FGD6: variants seen among roughly 807,000 people sequenced by gnomAD.
FGD6 encodes FYVE, RhoGEF and PH domain-containing protein 6.
A neutral mutation model predicts 149.4 loss-of-function variants in FGD6; 90 were observed. The ratio of observed to expected loss-of-function variants is 0.60; its 90% CI spans 0.51 to 0.72. The LOEUF (loss-of-function observed/expected upper bound fraction) is 0.72. Among genes scored for constraint, FGD6 ranks in the 30% least tolerant of loss-of-function variants. The probability of loss-of-function intolerance (pLI) is 0.00; values close to 1 mark genes in which losing one functional copy is unlikely to be tolerated. For synonymous variants in FGD6, 527 were observed against 584.0 expected, an observed-to-expected ratio of 0.90 and a Z score of 1.41; for missense variants, 1,437 against 1,684.8, an observed-to-expected ratio of 0.85 and a Z score of 2.57.
rs746333018 is a variant in FGD6 at position 95,105,134 on chromosome 12, A to G, written c.3418-48T>C. The G allele has an allele frequency of 6.3e-5, 96 of 1,532,486 alleles. 1 individual carries two copies. The African/African-American group carries it at 7.0e-4, about 11-fold the overall frequency. 94.9% of individuals were successfully genotyped at this position (1,532,486 alleles called of 1,614,324 possible). ...GAGCCGACTCATCCTACTGAAAACCATATCAATGAGCTGAAGTTGTCCAAT... is the reference window on the plus strand; with the variant it reads ...GAGCCGACTCATCCTACTGAAAACCGTATCAATGAGCTGAAGTTGTCCAAT... On this transcript the variant is annotated intron_variant, in intron 13 of 20. Coordinates refer to ENST00000343958, the MANE Select transcript of FGD6 (RefSeq NM_018351.4).
At position 95,209,391 on chromosome 12, in the gene FGD6, G is replaced by A. The variant is rs1481654693; in HGVS notation, c.1893C>T (p.Leu631=). The part of the protein sequence containing the change: ...STKKNSFKKL[L]SMKLSICFMK... ...TGAAACAGATGGACAGTTTCATGCT[G>A]AGCAACTTTTTAAAAGAGTTTTTCT... Residue 631 remains leucine, a synonymous_variant, in exon 2 of 21, where the codon CTC becomes CTT. Coordinates refer to ENST00000343958, the MANE Select transcript of FGD6 (RefSeq NM_018351.4). 1 of 1,613,162 alleles carries A rather than the reference G, an allele frequency of 6.2e-7. No individual in the cohort carries two copies. The highest frequency in any genetic ancestry group is 1.1e-5 in the South Asian group (1 of 90,960).
chr12:95,081,405 T>A lies in FGD6; in HGVS notation c.*115A>T. The A allele has an allele frequency of 1.3e-6, 1 of 746,432 alleles. No homozygotes were observed. The highest frequency in any genetic ancestry group is 2.0e-6 in the Non-Finnish European group (1 of 501,956). 46.2% of individuals were successfully genotyped at this position (746,432 alleles called of 1,614,324 possible). On this transcript the variant is annotated 3_prime_UTR_variant, in exon 21 of 21. Coordinates refer to ENST00000343958, the MANE Select transcript of FGD6 (RefSeq NM_018351.4). ...ACAAAACAATTTCTTTGATGAAGGG[T>A]CTGGTTGGCTTTATCTTGGCAGTGT...
In FGD6 at chr12:95,130,024, T is replaced by C. The variant is rs191952714; in HGVS notation, c.3082+4715A>G. The stretch of plus-strand genomic sequence containing the variant: ...ATTATATAAATCACTGATTTTGTTA[T>C]ACAACTATATGCATTCTTTTAGATC... On this transcript the variant is annotated intron_variant, in intron 8 of 20. Coordinates refer to ENST00000343958, the MANE Select transcript of FGD6 (RefSeq NM_018351.4). Among the ~76,000 whole-genome samples the C allele has an allele frequency of 8.6e-4, 131 of 152,322 alleles. 1 individual carries two copies. The highest frequency in any genetic ancestry group is 3.9e-4 in the East Asian group (2 of 5,192).
intron 8 of FGD6, among the ~76,000 whole-genome samples, chr12:95,120,221 C>T (rs570261667): frequency 1.8e-4 from 26 of 147,874 alleles, no homozygotes; most frequent in African/African-American, 3.2e-4. Context: ...AGAGTGAGTC[C>T]GTCTCAAAAA....
intron 3 of FGD6, among the ~76,000 whole-genome samples, chr12:95,170,358 A>G (rs542970748): frequency 6.6e-6 from 1 of 152,162 alleles, no homozygotes; most frequent in African/African-American, 2.4e-5. Context: ...AACATAGGCT[A>G]GGCCGGGCAG....
At chr12:95,138,814 C>T (rs1266561193) in intron 6 of FGD6, among the ~76,000 whole-genome samples, 2 of 152,130 alleles carry the variant, frequency 1.3e-5, no homozygotes, top group African/African-American at 2.4e-5. Flanking sequence ...TTTCCCTGAC[C>T]ACTCAAGCTT....
chr12:95,163,285 G>T (rs1273601082), intron 3 of FGD6, among the ~76,000 whole-genome samples: 1 of 151,956 alleles, frequency 6.6e-6, no homozygotes, highest in Non-Finnish European at 1.5e-5. Flanking sequence ...TGCTTCCCCA[G>T]CACTTCTCCT....
intron 2 of FGD6, among the ~76,000 whole-genome samples, chr12:95,206,834 T>C (rs889565917): frequency 2.6e-5 from 4 of 151,988 alleles, no homozygotes; most frequent in African/African-American, 7.3e-5. Context: ...GGGAGGAAAG[T>C]AGCCATTTTT....
At chr12:95,176,741 T>C (rs1881144582) in intron 2 of FGD6, among the ~76,000 whole-genome samples, 1 of 152,236 alleles carries the variant, frequency 6.6e-6, no homozygotes, top group African/African-American at 2.4e-5. Context: ...CCACTGGAAG[T>C]ATATCAAATT....
chr12:95,165,778 C>T (rs1201939709), intron 3 of FGD6, among the ~76,000 whole-genome samples: 1 of 151,960 alleles, frequency 6.6e-6, no homozygotes, highest in East Asian at 1.9e-4. Context: ...GCTGGGACTA[C>T]AGGCATGAAC....
intron 8 of FGD6, chr12:95,116,914 G>A (rs1189295830): frequency 1.1e-5 from 5 of 455,882 alleles, no homozygotes; most frequent in Non-Finnish European, 2.2e-5. Flanking sequence ...GCATAAGAAT[G>A]TGACTGATCA....
intron 3 of FGD6, among the ~76,000 whole-genome samples, chr12:95,162,582 G>C (rs1443090739): frequency 6.6e-6 from 1 of 152,042 alleles, no homozygotes; most frequent in Non-Finnish European, 1.5e-5. Flanking sequence ...AGTGAACAAT[G>C]GAAACGAACT....
intron 9 of FGD6, among the ~76,000 whole-genome samples, chr12:95,112,393 A>C (rs1878855341): frequency 1.3e-5 from 2 of 152,116 alleles, no homozygotes; most frequent in African/African-American, 4.8e-5. Context: ...TGAGGTCAGG[A>C]GTTCGAGACC....
At chr12:95,154,718 G>A (rs1181788981) in intron 3 of FGD6, among the ~76,000 whole-genome samples, 1 of 152,116 alleles carries the variant, frequency 6.6e-6, no homozygotes, top group Non-Finnish European at 1.5e-5. Context: ...GCTGACCAGG[G>A]TGCAGCTGGA....
chr12:95,214,861 C>CTTTTTTTTTTTTT, intron 1 of FGD6, among the ~76,000 whole-genome samples: 1 of 129,216 alleles, frequency 7.7e-6, no homozygotes, highest in Non-Finnish European at 1.6e-5. Context: ...CTCCTTTTTT[C>CTTTTTTTTTTTTT]TTTTTTTTTT....
Position 95,142,319 on chromosome 12 carries a change from G to A in FGD6, c.2686-780C>T, listed in dbSNP as rs540965704. Among the ~76,000 whole-genome samples the A allele has an allele frequency of 1.7e-3, 262 of 151,086 alleles. 2 individuals are homozygous for A. The highest frequency in any genetic ancestry group is 6.2e-3 in the African/African-American group (257 of 41,186). On this transcript the variant is annotated intron_variant, in intron 5 of 20. Transcript: ENST00000343958. ...ACCACACCCAGCTGATTTTTTGTAT[G>A]TTTTTAGTAGAGACGGCGTTTCACC...
chr12:95,148,799 A>G (rs1221600398), intron 5 of FGD6, among the ~76,000 whole-genome samples: 2 of 102,286 alleles, frequency 2.0e-5, no homozygotes, highest in African/African-American at 7.8e-5. Flanking sequence ...AATACATAGC[A>G]TATGTTATAT....
intron 3 of FGD6, among the ~76,000 whole-genome samples, chr12:95,160,180 A>G (rs575414170): frequency 8.4e-4 from 125 of 149,396 alleles, no homozygotes; most frequent in Non-Finnish European, 1.6e-3. Context: ...CCTCATTTCT[A>G]TTTTTTTTTT....
intron 3 of FGD6, among the ~76,000 whole-genome samples, chr12:95,168,611 C>T (rs1365656642): frequency 1.3e-5 from 2 of 150,986 alleles, no homozygotes; most frequent in Admixed American, 6.6e-5. Context: ...TGCAGTGAGC[C>T]GAGATCACAC....
Sources: gnomAD v4.1 joint callset for allele counts (sites outside exome capture counted in the v4.1 genomes callset) on GRCh38, gnomAD v4.1.1 for gene constraint, MANE v1.5 for transcripts, NCBI Gene and HGNC (gene_info 2026-07-23, HGNC 2026-07-21) for gene names.